SLC44A5: variants seen among roughly 807,000 people sequenced by gnomAD.
SLC44A5 encodes the protein choline transporter-like protein 5.
A neutral mutation model predicts 101.8 loss-of-function variants in SLC44A5; 57 were observed. The observed-to-expected ratio is 0.56, with a 90% CI of 0.45 to 0.70. The LOEUF is 0.70. Among genes scored for constraint, SLC44A5 ranks in the 30% least tolerant of loss-of-function variants. The probability of loss-of-function intolerance (pLI) is 0.00; values close to 1 mark genes in which losing one functional copy is unlikely to be tolerated. For missense variants in SLC44A5, 737 were observed against 853.1 expected (o/e 0.86, Z 1.70); for synonymous variants, 281 against 290.9 (o/e 0.97, Z 0.35).
the SLC44A5 span, among the ~76,000 whole-genome samples, chr1:75,639,678 C>T: frequency 2.4e-4 from 37 of 152,056 alleles, no homozygotes; most frequent in Non-Finnish European, 7.4e-5. Context: ...TGGCTCTTAG[C>T]CATGTGTGTT....
the SLC44A5 span, among the ~76,000 whole-genome samples, chr1:75,616,825 T>C: frequency 6.6e-6 from 1 of 152,332 alleles, no homozygotes; most frequent in East Asian, 1.9e-4. Flanking sequence ...GATAGTTCCC[T>C]TGGGGCTGTG....
chr1:75,287,231 G>A (rs780120298), intron 5 of SLC44A5, among the ~76,000 whole-genome samples: 1 of 151,752 alleles, frequency 6.6e-6, no homozygotes, highest in Non-Finnish European at 1.5e-5. Flanking sequence ...TTCTGCTGTT[G>A]AGAATTTCCA....
intron 2 of SLC44A5, among the ~76,000 whole-genome samples, chr1:75,522,728 G>A (rs1004155714): frequency 1.8e-4 from 27 of 152,158 alleles, no homozygotes; most frequent in African/African-American, 6.5e-4. Context: ...TTCTTATTAT[G>A]AACGAACAGC....
At chr1:75,354,689 C>A (rs1006665776) in intron 3 of SLC44A5, among the ~76,000 whole-genome samples, 1 of 152,180 alleles carries the variant, frequency 6.6e-6, no homozygotes, top group Non-Finnish European at 1.5e-5. Flanking sequence ...ATCACTCCGA[C>A]ACAGAAAAGC....
intron 1 of SLC44A5, among the ~76,000 whole-genome samples, chr1:75,589,714 G>A (rs1674237444): frequency 6.6e-6 from 1 of 152,104 alleles, no homozygotes; most frequent in Non-Finnish European, 1.5e-5. Flanking sequence ...CCCACCTCTG[G>A]CAGCAGCTGT....
chr1:75,375,749 T>C (rs893294118), intron 3 of SLC44A5, among the ~76,000 whole-genome samples: 11 of 152,338 alleles, frequency 7.2e-5, no homozygotes, highest in African/African-American at 2.6e-4. Context: ...CTCACCAAAC[T>C]AATTTTCATA....
At chr1:75,578,811 A>G (rs1673518716) in intron 1 of SLC44A5, among the ~76,000 whole-genome samples, 1 of 152,202 alleles carries the variant, frequency 6.6e-6, no homozygotes, top group Admixed American at 6.5e-5. Context: ...ACAATATGTG[A>G]GGTGACAGAT....
At chr1:75,249,042 T>A (rs987200282) in intron 7 of SLC44A5, among the ~76,000 whole-genome samples, 3 of 152,010 alleles carry the variant, frequency 2.0e-5, no homozygotes, top group Non-Finnish European at 2.9e-5. Context: ...ATCAAGATGA[T>A]CAGAGAAATT....
chr1:75,415,717 A>G (rs1663598301), intron 2 of SLC44A5, among the ~76,000 whole-genome samples: 1 of 152,198 alleles, frequency 6.6e-6, no homozygotes, highest in African/African-American at 2.4e-5. Flanking sequence ...ATGAACAATA[A>G]CATCCAGGCT....
intron 2 of SLC44A5, among the ~76,000 whole-genome samples, chr1:75,397,886 CCA>C (rs970243208): frequency 6.6e-6 from 1 of 152,028 alleles, no homozygotes; most frequent in Admixed American, 6.6e-5. Flanking sequence ...TTCCCCACCA[CCA>C]CACACACACC....
intron 5 of SLC44A5, among the ~76,000 whole-genome samples, chr1:75,289,144 C>T (rs1407978784): frequency 2.0e-5 from 3 of 152,098 alleles, no homozygotes; most frequent in African/African-American, 7.2e-5. Flanking sequence ...ACATTTTCTG[C>T]TATTAAAAGG....
intron 6 of SLC44A5, among the ~76,000 whole-genome samples, chr1:75,262,417 A>C (rs1257836310): frequency 1.3e-5 from 2 of 152,198 alleles, no homozygotes; most frequent in African/African-American, 4.8e-5. Flanking sequence ...TAGGAATCCA[A>C]CTTACAAGGG....
chr1:75,284,725 C>T (rs1289677744), intron 5 of SLC44A5, among the ~76,000 whole-genome samples: 1 of 151,956 alleles, frequency 6.6e-6, no homozygotes, highest in Non-Finnish European at 1.5e-5. Context: ...TAAAGGAATG[C>T]TGAATTTTAT....
intron 2 of SLC44A5, among the ~76,000 whole-genome samples, chr1:75,405,850 T>A (rs1662815775): frequency 7.6e-6 from 1 of 132,436 alleles, no homozygotes; most frequent in Non-Finnish European, 1.6e-5. Flanking sequence ...AAGAAATAAC[T>A]AAGATCAGAG....
chr1:75,479,384 C>G (rs1222146869), intron 2 of SLC44A5, among the ~76,000 whole-genome samples: 2 of 151,960 alleles, frequency 1.3e-5, no homozygotes, highest in African/African-American at 4.8e-5. Flanking sequence ...TAGCAGAAGG[C>G]AAGAAATAAC....
At chr1:75,289,335 G>T (rs936031628) in intron 5 of SLC44A5, among the ~76,000 whole-genome samples, 1 of 152,150 alleles carries the variant, frequency 6.6e-6, no homozygotes, top group African/African-American at 2.4e-5. Flanking sequence ...GAGGTCTCTA[G>T]GGTGTTGAAG....
intron 2 of SLC44A5, among the ~76,000 whole-genome samples, chr1:75,467,022 C>A (rs1666859709): frequency 4.6e-5 from 7 of 152,060 alleles, no homozygotes; most frequent in Admixed American, 2.6e-4. Context: ...AAATCGGTAA[C>A]ATTTCTATAT....
intron 13 of SLC44A5, 116 bp downstream of exon 13, chr1:75,227,610 T>C: frequency 1.4e-6 from 1 of 738,310 alleles, no homozygotes; most frequent in Non-Finnish European, 2.0e-6. Flanking sequence ...CATTACTTTT[T>C]ATGACACTAG....
intron 2 of SLC44A5, among the ~76,000 whole-genome samples, chr1:75,482,431 T>G (rs1164196798): frequency 1.3e-5 from 2 of 151,264 alleles, no homozygotes; most frequent in Non-Finnish European, 2.9e-5. Context: ...AATAATAAAA[T>G]AAAAAATAAA....
Sources: gnomAD v4.1 joint callset for allele counts (sites outside exome capture counted in the v4.1 genomes callset) on GRCh38, gnomAD v4.1.1 for gene constraint, MANE v1.5 for transcripts, NCBI Gene and HGNC (gene_info 2026-07-23, HGNC 2026-07-21) for gene names.